The following DHDDS variants were observed in gnomAD, a reference collection of about 807,000 sequenced individuals.
DHDDS encodes the protein dehydrodolichyl diphosphate synthase complex subunit DHDDS.
DHDDS carries 16 observed loss-of-function variants against 46.2 expected under a neutral mutation model. The ratio of observed to expected loss-of-function variants is 0.35; its 90% CI spans 0.23 to 0.53. DHDDS has a LOEUF of 0.53. DHDDS is among the 20% of genes least tolerant of loss of function. The probability of loss-of-function intolerance (pLI) is 0.94; values close to 1 mark genes in which losing one functional copy is unlikely to be tolerated. For synonymous variants in DHDDS, 151 were observed against 163.1 expected, an observed-to-expected ratio of 0.93 and a Z score of 0.56; for missense variants, 340 against 423.7, an observed-to-expected ratio of 0.80 and a Z score of 1.73.
intron 4 of DHDDS, among the ~76,000 whole-genome samples, chr1:26,444,636 T>A (rs764246279): frequency 6.6e-6 from 1 of 152,216 alleles, no homozygotes; most frequent in East Asian, 1.9e-4. Flanking sequence ...ATCCCAGCTA[T>A]GTGGGAGGCT....
intron 8 of DHDDS, among the ~76,000 whole-genome samples, chr1:26,466,784 G>T (rs1557453587): frequency 6.6e-6 from 1 of 152,230 alleles, no homozygotes; most frequent in African/African-American, 2.4e-5. Context: ...GGCGGTGATA[G>T]AACAGCTAAC....
intron 2 of DHDDS, among the ~76,000 whole-genome samples, chr1:26,433,827 C>G (rs952596233): frequency 6.6e-6 from 1 of 152,134 alleles, no homozygotes; most frequent in African/African-American, 2.4e-5. Flanking sequence ...CCTTCATCTG[C>G]CAAGTTCAAG....
chr1:26,435,430 CTTTTTTTTTTTTT>C (rs35735570), intron 2 of DHDDS, among the ~76,000 whole-genome samples: 1 of 62,486 alleles, frequency 1.6e-5, no homozygotes, highest in Non-Finnish European at 2.7e-5. Flanking sequence ...GAATTAGTGC[CTTTTTTTTTTTTT>C]TTTTTTTTTT....
At chr1:26,460,638 C>T (rs1457783771) in intron 8 of DHDDS, among the ~76,000 whole-genome samples, 1 of 152,198 alleles carries the variant, frequency 6.6e-6, no homozygotes, top group African/African-American at 2.4e-5. Context: ...CAGTTTTCAT[C>T]ACCAAATCTT....
intron 8 of DHDDS, among the ~76,000 whole-genome samples, chr1:26,465,915 A>G (rs937489361): frequency 1.3e-5 from 2 of 152,178 alleles, no homozygotes; most frequent in African/African-American, 2.4e-5. Context: ...AGCTTGGGGA[A>G]GGACTTTTCA....
At chr1:26,463,768 AG>A (rs2075450264) in intron 8 of DHDDS, among the ~76,000 whole-genome samples, 1 of 151,976 alleles carries the variant, frequency 6.6e-6, no homozygotes, top group African/African-American at 2.4e-5. Context: ...GGCCTCCCAA[AG>A]TGCTGGGATT....
At chr1:26,441,981 A>C (rs2075223452) in intron 3 of DHDDS, among the ~76,000 whole-genome samples, 1 of 151,164 alleles carries the variant, frequency 6.6e-6, no homozygotes, top group South Asian at 2.1e-4. Context: ...CTTCTGTTCT[A>C]CCTCCTCCTT....
At chr1:26,457,314 A>C (rs1156569744) in intron 6 of DHDDS, among the ~76,000 whole-genome samples, 3 of 151,334 alleles carry the variant, frequency 2.0e-5, no homozygotes, top group Non-Finnish European at 2.9e-5. Flanking sequence ...CAAAAAAAAA[A>C]AAAAACAAAT....
Position 26,470,570 on chromosome 1 carries a change from C to G in DHDDS, c.*1439C>G, listed in dbSNP as rs980945484. 3.9e-5 allele frequency: 6 copies of G among 152,710 alleles called. No homozygotes were observed. The highest frequency in any genetic ancestry group is 3.4e-3 in the Middle Eastern group (1 of 294). The allele number at this position is 152,710 out of a possible 1,614,324, so 9.5% of individuals were successfully genotyped here. ...CTTTCCTATACCCCACCCGCCTCTT[C>G]CCCTTTCTGTCCCGGGATACCTGGC... is the stretch of plus-strand genomic sequence containing the variant. On this transcript the variant is annotated 3_prime_UTR_variant, in exon 9 of 9. Coordinates refer to ENST00000236342, the MANE Select transcript of DHDDS (RefSeq NM_205861.3).
chr1:26,458,737 CAAAAA>C (rs11381495), intron 7 of DHDDS, among the ~76,000 whole-genome samples: 122 of 71,678 alleles, frequency 1.7e-3, no homozygotes, highest in Admixed American at 3.6e-3. Context: ...GACTCTGTCG[CAAAAA>C]AAAAAAAAAA....
chr1:26,436,075 G>C (rs2075151685), intron 2 of DHDDS, among the ~76,000 whole-genome samples: 1 of 151,780 alleles, frequency 6.6e-6, no homozygotes, highest in Admixed American at 6.6e-5. Flanking sequence ...TTCTGTGGAA[G>C]GTACCATCTT....
chr1:26,468,962 CAG>C lies in DHDDS; in HGVS notation c.836_837del (p.Glu279AlafsTer44). The C allele has an allele frequency of 6.2e-7, 1 of 1,614,148 alleles. No homozygotes were observed. The highest frequency in any genetic ancestry group is 8.5e-7 in the Non-Finnish European group (1 of 1,180,044). ...CTGGAGAGGGACCAGGCTACAGTGA[CAG>C]AGCAGCTGCTGCGAGAGGGGCTCCA... On this transcript the variant is annotated frameshift_variant, in exon 9 of 9. Transcript: ENST00000236342. LOFTEE classifies it high-confidence loss of function.
intron 3 of DHDDS, among the ~76,000 whole-genome samples, chr1:26,439,478 A>C (rs977271920): frequency 6.6e-6 from 1 of 151,942 alleles, no homozygotes; most frequent in African/African-American, 2.4e-5. Context: ...GCTACTTACG[A>C]GACTGAGGTG....
chr1:26,468,094 G>A (rs1168293994), intron 8 of DHDDS, among the ~76,000 whole-genome samples: 2 of 152,228 alleles, frequency 1.3e-5, no homozygotes, highest in East Asian at 3.8e-4. Context: ...GTTGCAAGAG[G>A]CTTGAAGGCT....
chr1:26,467,145 T>C (rs2124542185), intron 8 of DHDDS: 1 of 301,992 alleles, frequency 3.3e-6, no homozygotes, highest in East Asian at 8.2e-5. Flanking sequence ...ACACTTGCTT[T>C]CTCCTCTGAA....
chr1:26,455,170 A>G (rs1257159138), intron 6 of DHDDS: 1 of 765,106 alleles, frequency 1.3e-6, no homozygotes, highest in African/African-American at 1.7e-5. Flanking sequence ...TCTCCGGGTT[A>G]AGTGAATAGT....
chr1:26,457,209 A>G (rs1043755173), intron 6 of DHDDS, among the ~76,000 whole-genome samples: 6 of 151,728 alleles, frequency 4.0e-5, no homozygotes, highest in Middle Eastern at 3.2e-3. Flanking sequence ...CTGTAATCCC[A>G]GCACTTTCAG....
intron 4 of DHDDS, among the ~76,000 whole-genome samples, chr1:26,444,417 G>A (rs1347903322): frequency 6.6e-6 from 1 of 152,172 alleles, no homozygotes; most frequent in Non-Finnish European, 1.5e-5. Context: ...GCCTGATTCT[G>A]TTTCATCAGT....
intron 2 of DHDDS, among the ~76,000 whole-genome samples, chr1:26,437,617 A>G (rs2075173283): frequency 6.6e-6 from 1 of 151,920 alleles, no homozygotes; most frequent in Non-Finnish European, 1.5e-5. Flanking sequence ...CTGGGACTAC[A>G]GGCATGTGCC....
Sources: gnomAD v4.1 joint callset for allele counts (sites outside exome capture counted in the v4.1 genomes callset) on GRCh38, gnomAD v4.1.1 for gene constraint, MANE v1.5 for transcripts, NCBI Gene and HGNC (gene_info 2026-07-23, HGNC 2026-07-21) for gene names.